The following PARD3B variants were observed in gnomAD, a reference collection of about 807,000 sequenced individuals.
PARD3B encodes par-3 family cell polarity regulator beta.
PARD3B carries 103 observed loss-of-function variants against 130.2 expected under a neutral mutation model. That is an observed-to-expected ratio of 0.79 (90% CI 0.67 to 0.93). The LOEUF (loss-of-function observed/expected upper bound fraction) is 0.93, where lower values mean the gene tolerates loss of function less well. Among genes scored for constraint, PARD3B ranks in the 40% least tolerant of loss-of-function variants. The pLI is 0.00. For missense variants in PARD3B, 1,609 were observed against 1,499.2 expected, an observed-to-expected ratio of 1.07 and a Z score of -1.21; for synonymous variants, 583 against 553.2, an observed-to-expected ratio of 1.05 and a Z score of -0.76.
At chr2:204,731,030 T>C (rs1056325600) in intron 2 of PARD3B, among the ~76,000 whole-genome samples, 1 of 152,202 alleles carries the variant, frequency 6.6e-6, no homozygotes, top group Non-Finnish European at 1.5e-5. Flanking sequence ...AGAAATTATT[T>C]GATGCACTGT....
Position 205,224,963 on chromosome 2 carries a change from G to A in PARD3B, c.2141-20815G>A, listed in dbSNP as rs1360913782. 2.0e-5 allele frequency among the ~76,000 whole-genome samples: 3 copies of A among 151,876 alleles called. No individual in the cohort carries two copies. The East Asian group carries it at 5.8e-4, about 29-fold the overall frequency. On this transcript the variant is annotated intron_variant, in intron 15 of 22. Transcript: ENST00000406610. ...TACTTTAAGTTCTAGGGTACATGTA[G>A]TACCTGATTATTTATATGTACATTT... is the stretch of plus-strand genomic sequence containing the variant.
intron 3 of PARD3B, among the ~76,000 whole-genome samples, chr2:204,976,251 C>A (rs1692137742): frequency 6.6e-6 from 1 of 152,140 alleles, no homozygotes; most frequent in Non-Finnish European, 1.5e-5. Flanking sequence ...TACATATTTA[C>A]AGCAGTGTAG....
At chr2:205,050,548 C>T (rs1699119348) in intron 4 of PARD3B, among the ~76,000 whole-genome samples, 1 of 151,968 alleles carries the variant, frequency 6.6e-6, no homozygotes, top group Non-Finnish European at 1.5e-5. Flanking sequence ...TGTAAATGTA[C>T]TTAAAATTTA....
intron 4 of PARD3B, among the ~76,000 whole-genome samples, chr2:205,102,755 A>G (rs1283396791): frequency 6.6e-6 from 1 of 152,114 alleles, no homozygotes; most frequent in Non-Finnish European, 1.5e-5. Context: ...TGTTGCAGTT[A>G]TGTCTTACTT....
At chr2:205,256,720 A>T (rs1466330482) in intron 16 of PARD3B, among the ~76,000 whole-genome samples, 2 of 152,198 alleles carry the variant, frequency 1.3e-5, no homozygotes, top group African/African-American at 4.8e-5. Flanking sequence ...AAGATCTAGC[A>T]TGGGGACTGG....
chr2:204,874,584 T>TA (rs1035147877), intron 2 of PARD3B, among the ~76,000 whole-genome samples: 1 of 152,072 alleles, frequency 6.6e-6, no homozygotes, highest in African/African-American at 2.4e-5. Flanking sequence ...TATTTTTTTT[T>TA]AAAAATCGAG....
intron 21 of PARD3B, among the ~76,000 whole-genome samples, chr2:205,528,078 C>T (rs1022885880): frequency 2.6e-5 from 4 of 152,106 alleles, no homozygotes; most frequent in African/African-American, 4.8e-5. Context: ...TGTGAGTGAT[C>T]CAGAAGCTAG....
intron 2 of PARD3B, among the ~76,000 whole-genome samples, chr2:204,734,961 G>T (rs1294598632): frequency 6.6e-6 from 1 of 152,012 alleles, no homozygotes; most frequent in East Asian, 1.9e-4. Context: ...AGGTAGGGGT[G>T]ATGGGTGTTA....
At chr2:204,764,715 C>CATGTGTGTGTGTGTGTGTGT (rs60298501) in intron 2 of PARD3B, among the ~76,000 whole-genome samples, 1,471 of 145,744 alleles carry the variant, frequency 0.01, 33 homozygotes, top group African/African-American at 0.035. Context: ...GGCATGCATG[C>CATGTGTGTGTGTGTGTGTGT]GTGTGTGTGT....
chr2:204,848,690 T>TATATATGTA, intron 2 of PARD3B, among the ~76,000 whole-genome samples: 3 of 151,516 alleles, frequency 2.0e-5, no homozygotes, highest in Middle Eastern at 3.5e-3. Flanking sequence ...TATCTATTAT[T>TATATATGTA]TATATATGTA....
chr2:205,082,958 C>T (rs866406625), intron 4 of PARD3B, among the ~76,000 whole-genome samples: 11 of 145,040 alleles, frequency 7.6e-5, no homozygotes, highest in African/African-American at 2.3e-4. Context: ...CTCGCTCTAT[C>T]GCCCAGGCTG....
intron 16 of PARD3B, among the ~76,000 whole-genome samples, chr2:205,272,184 A>G (rs1206483003): frequency 6.6e-6 from 1 of 151,220 alleles, no homozygotes; most frequent in Non-Finnish European, 1.5e-5. Context: ...AAGATGCTTT[A>G]TTTTTGTCTT....
intron 16 of PARD3B, among the ~76,000 whole-genome samples, chr2:205,261,790 A>G (rs754860943): frequency 1.2e-4 from 19 of 152,174 alleles, no homozygotes; most frequent in Non-Finnish European, 2.2e-4. Flanking sequence ...GTGCCCTATC[A>G]TAAAGTGGGG....
intron 2 of PARD3B, among the ~76,000 whole-genome samples, chr2:204,794,505 TGGA>T (rs1422806284): frequency 6.6e-6 from 1 of 152,034 alleles, no homozygotes; most frequent in Non-Finnish European, 1.5e-5. Context: ...ATTACCGTGG[TGGA>T]AACACTTTGA....
chr2:204,977,174 G>A (rs76912119), intron 3 of PARD3B, among the ~76,000 whole-genome samples: 7,002 of 152,144 alleles, frequency 0.046, 218 homozygotes, highest in Middle Eastern at 0.12. Context: ...TAATGCCTTC[G>A]TGCTTGTTTT....
At chr2:205,598,802 A>G (rs2054668281) in intron 22 of PARD3B, among the ~76,000 whole-genome samples, 1 of 152,208 alleles carries the variant, frequency 6.6e-6, no homozygotes, top group African/African-American at 2.4e-5. Flanking sequence ...AGAAATCAAT[A>G]CCAAGAGGAT....
intron 2 of PARD3B, among the ~76,000 whole-genome samples, chr2:204,819,011 G>C (rs1241768361): frequency 6.6e-6 from 1 of 152,150 alleles, no homozygotes; most frequent in East Asian, 1.9e-4. Flanking sequence ...TGGTGGATTA[G>C]AGCTAGAGAC....
At chr2:204,830,364 A>G (rs2043770994) in intron 2 of PARD3B, among the ~76,000 whole-genome samples, 1 of 152,186 alleles carries the variant, frequency 6.6e-6, no homozygotes, top group African/African-American at 2.4e-5. Context: ...TTGTTTAAGT[A>G]ATACCTTGCT....
At chr2:205,471,383 CAG>C (rs1172275163) in intron 20 of PARD3B, among the ~76,000 whole-genome samples, 3 of 108,242 alleles carry the variant, frequency 2.8e-5, no homozygotes, top group Non-Finnish European at 5.2e-5. Flanking sequence ...TTTTCTGAGA[CAG>C]AGTTTCACTC....
Sources: gnomAD v4.1 joint callset for allele counts (sites outside exome capture counted in the v4.1 genomes callset) on GRCh38, gnomAD v4.1.1 for gene constraint, MANE v1.5 for transcripts, NCBI Gene and HGNC (gene_info 2026-07-23, HGNC 2026-07-21) for gene names.